Variants in DLGAP1 observed in about 807,000 individuals in gnomAD.
DLGAP1 encodes the protein DLG associated protein 1.
In DLGAP1, 11 loss-of-function variants were observed where a neutral mutation model predicts 90.8. That is an observed-to-expected ratio of 0.12 (90% CI 0.08 to 0.20). The LOEUF (loss-of-function observed/expected upper bound fraction) is 0.20. DLGAP1 is among the 10% of genes least tolerant of loss of function. DLGAP1 has a pLI of 1.00. For synonymous variants in DLGAP1, 558 were observed against 540.7 expected (o/e 1.03, Z -0.44); for missense variants, 1,050 against 1,333.8 (o/e 0.79, Z 3.31).
intron 2 of DLGAP1, among the ~76,000 whole-genome samples, chr18:4,142,191 G>T (rs2076505918): frequency 6.6e-6 from 1 of 152,164 alleles, no homozygotes; most frequent in Admixed American, 6.5e-5. Context: ...AAAATTGTAA[G>T]TCATAATAAA....
intron 2 of DLGAP1, among the ~76,000 whole-genome samples, chr18:4,106,651 G>T (rs554066694): frequency 6.6e-6 from 1 of 152,342 alleles, no homozygotes; most frequent in African/African-American, 2.4e-5. Context: ...AAAGCAAGGC[G>T]CTGCCTGTCT....
At chr18:4,434,577 G>T (rs1462015587) in intron 1 of DLGAP1, among the ~76,000 whole-genome samples, 1 of 152,108 alleles carries the variant, frequency 6.6e-6, no homozygotes, top group Admixed American at 6.5e-5. Context: ...TTACCTTCTT[G>T]TGTTCCCAAC....
At chr18:3,606,295 C>A (rs920042698) in intron 7 of DLGAP1, among the ~76,000 whole-genome samples, 12 of 152,140 alleles carry the variant, frequency 7.9e-5, no homozygotes, top group Non-Finnish European at 1.8e-4. Context: ...TTCTTAGAAC[C>A]CTTCCCCGCT....
At chr18:4,135,091 T>A (rs1008249651) in intron 2 of DLGAP1, among the ~76,000 whole-genome samples, 2 of 152,168 alleles carry the variant, frequency 1.3e-5, no homozygotes, top group African/African-American at 4.8e-5. Context: ...ACTATAACCA[T>A]ATGACAAATT....
intron 7 of DLGAP1, among the ~76,000 whole-genome samples, chr18:3,609,081 G>A (rs1042077616): frequency 1.3e-5 from 2 of 151,632 alleles, no homozygotes; most frequent in South Asian, 2.1e-4. Context: ...AGTGAGCCTC[G>A]GCCTCCCAAA....
chr18:4,314,655 C>A (rs2080481884), intron 1 of DLGAP1, among the ~76,000 whole-genome samples: 2 of 152,332 alleles, frequency 1.3e-5, no homozygotes, highest in African/African-American at 4.8e-5. Flanking sequence ...TTCCCCAACA[C>A]CTAGGCCAGT....
intron 3 of DLGAP1, among the ~76,000 whole-genome samples, chr18:3,991,484 G>A (rs942630298): frequency 7.9e-5 from 12 of 152,166 alleles, no homozygotes; most frequent in African/African-American, 2.7e-4. Flanking sequence ...GAACCTTGGG[G>A]TTAGCATCCT....
At chr18:3,584,737 C>A (rs2055772509) in intron 7 of DLGAP1, among the ~76,000 whole-genome samples, 2 of 152,100 alleles carry the variant, frequency 1.3e-5, no homozygotes, top group Non-Finnish European at 2.9e-5. Context: ...TATGTTGACT[C>A]ATGAAACACA....
intron 1 of DLGAP1, among the ~76,000 whole-genome samples, chr18:4,195,154 A>G (rs1048378994): frequency 3.9e-5 from 6 of 152,184 alleles, no homozygotes; most frequent in Admixed American, 2.0e-4. Flanking sequence ...GTAGTTTAGA[A>G]TACTACAGTT....
intron 8 of DLGAP1, among the ~76,000 whole-genome samples, chr18:3,577,993 T>C (rs2055258471): frequency 6.6e-6 from 1 of 152,212 alleles, no homozygotes; most frequent in Non-Finnish European, 1.5e-5. Context: ...AATCTAATAA[T>C]TGTTGAACAC....
At chr18:4,328,615 CTG>C (rs1340867093) in intron 1 of DLGAP1, among the ~76,000 whole-genome samples, 1 of 151,986 alleles carries the variant, frequency 6.6e-6, no homozygotes, top group African/African-American at 2.4e-5. Flanking sequence ...TATTAAGAAA[CTG>C]TAAAACTATT....
At chr18:4,129,677 T>C (rs1469742406) in intron 2 of DLGAP1, among the ~76,000 whole-genome samples, 1 of 152,176 alleles carries the variant, frequency 6.6e-6, no homozygotes, top group Non-Finnish European at 1.5e-5. Context: ...ACCATTCTGC[T>C]TTCCTGAGCA....
At chr18:3,964,489 A>T (rs1178143777) in intron 3 of DLGAP1, among the ~76,000 whole-genome samples, 1 of 152,168 alleles carries the variant, frequency 6.6e-6, no homozygotes, top group Non-Finnish European at 1.5e-5. Flanking sequence ...TGTTCAATAA[A>T]TAGATGACAG....
intron 2 of DLGAP1, among the ~76,000 whole-genome samples, chr18:4,045,569 T>C (rs2075041111): frequency 6.8e-6 from 1 of 147,276 alleles, no homozygotes; most frequent in Non-Finnish European, 1.5e-5. Flanking sequence ...ACTACTGCAC[T>C]CCAGCCTGGG....
chr18:4,050,892 T>C (rs577096840), intron 2 of DLGAP1, among the ~76,000 whole-genome samples: 145 of 152,336 alleles, frequency 9.5e-4, no homozygotes, highest in Admixed American at 2.0e-3. Context: ...CTTAGAGATT[T>C]TGATTCATGA....
chr18:3,979,863 C>T (rs1417013002), intron 3 of DLGAP1, among the ~76,000 whole-genome samples: 4 of 152,102 alleles, frequency 2.6e-5, no homozygotes, highest in African/African-American at 4.8e-5. Flanking sequence ...TAGCTGGGCG[C>T]GGTGGCTCAC....
intron 7 of DLGAP1, among the ~76,000 whole-genome samples, chr18:3,623,487 C>T (rs756178049): frequency 4.6e-5 from 7 of 152,020 alleles, no homozygotes; most frequent in Admixed American, 1.3e-4. Flanking sequence ...TCTTCAAGGC[C>T]GTGTGAAAAG....
At chr18:3,890,854 A>G (rs982683410) in intron 3 of DLGAP1, among the ~76,000 whole-genome samples, 1 of 152,180 alleles carries the variant, frequency 6.6e-6, no homozygotes, top group African/African-American at 2.4e-5. Context: ...TCAGCCTCCC[A>G]AAGTGCTGGA....
At chr18:4,106,231 A>G (rs2143938460) in intron 2 of DLGAP1, among the ~76,000 whole-genome samples, 1 of 152,264 alleles carries the variant, frequency 6.6e-6, no homozygotes, top group South Asian at 2.1e-4. Flanking sequence ...TTCAGTGCCA[A>G]GAAACCTACG....
Sources: allele counts gnomAD v4.1 joint callset (sites outside exome capture counted in the v4.1 genomes callset), GRCh38; gene constraint gnomAD v4.1.1; transcripts MANE v1.5; gene names NCBI Gene and HGNC (gene_info 2026-07-23, HGNC 2026-07-21).